The following S100A9 variants were observed in gnomAD, a reference collection of about 807,000 sequenced individuals.
The protein encoded by S100A9 is protein S100-A9.
In S100A9, 2 loss-of-function variants were observed where a neutral mutation model predicts 4.3. The ratio of observed to expected loss-of-function variants is 0.47; its 90% CI spans 0.19 to 1.48. S100A9 has a LOEUF of 1.48. Ranked by LOEUF, S100A9 falls within the 40% of genes most tolerant of loss-of-function variation. The pLI is 0.24. For synonymous variants in S100A9, 67 were observed against 54.0 expected (o/e 1.24, Z -1.06); for missense variants, 130 against 144.4 (o/e 0.90, Z 0.51).
chr1:153,360,096 C>T (rs912604146), intron 2 of S100A9, among the ~76,000 whole-genome samples: 1 of 152,214 alleles, frequency 6.6e-6, no homozygotes, highest in African/African-American at 2.4e-5. Flanking sequence ...GGTGTTTCCC[C>T]GTTGTATTGG....
chr1:153,358,516 A>G (rs564776543), intron 2 of S100A9, 83 bp downstream of exon 2: 1 of 1,140,812 alleles, frequency 8.8e-7, no homozygotes, highest in Admixed American at 2.9e-5. Context: ...GGCTACAGCA[A>G]TCAAGGGGAA....
chr1:153,358,551 C>G, intron 2 of S100A9, 118 bp downstream of exon 2: 2 of 794,474 alleles, frequency 2.5e-6, no homozygotes, highest in South Asian at 2.1e-5. Flanking sequence ...GAGCCCAGCC[C>G]CAAGACGCAG....
chr1:153,359,522 G>A (rs1415735296), intron 2 of S100A9, among the ~76,000 whole-genome samples: 1 of 151,974 alleles, frequency 6.6e-6, no homozygotes, highest in East Asian at 1.9e-4. Flanking sequence ...CTCATGGATG[G>A]GCTGCACAGG....
intron 1 of S100A9, 65 bp downstream of exon 1, chr1:153,357,946 C>T (rs1333292642): frequency 1.2e-5 from 2 of 171,052 alleles, no homozygotes; most frequent in African/African-American, 4.7e-5. Context: ...CCTTCCCTGA[C>T]CCAACTTCCT....
intron 1 of S100A9, 123 bp from the exon 2 acceptor site, chr1:153,358,146 C>T: frequency 1.7e-6 from 1 of 586,778 alleles, no homozygotes; most frequent in Non-Finnish European, 3.0e-6. Context: ...TAAGTTGCAG[C>T]CTGTGCTTTC....
intron 2 of S100A9, among the ~76,000 whole-genome samples, chr1:153,359,680 CTTTTTTTTTTTTTT>C (rs34039196): frequency 2.4e-5 from 2 of 83,908 alleles, no homozygotes; most frequent in East Asian, 7.0e-4. Flanking sequence ...GATGTCTCTC[CTTTTTTTTTTTTTT>C]TTTTTTTTTT....
chr1:153,360,964 T>C lies in S100A9; in HGVS notation c.*126T>C, dbSNP rs1661441732. The C allele has an allele frequency of 8.6e-6, 6 of 693,958 alleles. No homozygotes were observed. In the South Asian group the frequency reaches 1.2e-4, roughly 13 times the overall value. 43.0% of individuals were successfully genotyped at this position (693,958 alleles called of 1,614,324 possible). ...CCAACCAGGGCCCCGGGGCCTGTTA[T>C]GTCAAACTGTCTTGGCTGTGGGGCT... On this transcript the variant is annotated 3_prime_UTR_variant, in exon 3 of 3. Coordinates refer to ENST00000368738, the MANE Select transcript of S100A9 (RefSeq NM_002965.4).
In S100A9 at chr1:153,358,255, T is replaced by C. The variant is rs746297726; in HGVS notation, c.-15-14T>C. On this transcript the variant is annotated splice_polypyrimidine_tract_variant and intron_variant, in intron 1 of 2. Transcript: ENST00000368738. Reference sequence around the variant, plus strand: ...TCTTCTAAGTGTCCCAACTCTTGGTTTTCCATTACACAGACAGAGTGCAAG... The same window carrying C: ...TCTTCTAAGTGTCCCAACTCTTGGTCTTCCATTACACAGACAGAGTGCAAG... The C allele has an allele frequency of 1.3e-6, 2 of 1,507,614 alleles. No homozygotes were observed. Among genetic ancestry groups the C allele is most frequent in the East Asian group, 2.3e-5 (1 of 42,680 alleles). The allele number at this position is 1,507,614 out of a possible 1,614,324, so 93.4% of individuals were successfully genotyped here.
At chr1:153,358,798 G>A (rs747411606) in intron 2 of S100A9, among the ~76,000 whole-genome samples, 7 of 152,160 alleles carry the variant, frequency 4.6e-5, no homozygotes, top group South Asian at 2.1e-4. Context: ...GATAGAGTGC[G>A]CTGTGGGCAA....
Position 153,358,277 on chromosome 1 carries a change from C to A in S100A9, c.-7C>A. 1.3e-6 allele frequency: 2 copies of A among 1,587,766 alleles called. No individual in the cohort carries two copies. The highest frequency in any genetic ancestry group is 1.7e-6 in the Non-Finnish European group (2 of 1,162,510). On this transcript the variant is annotated 5_prime_UTR_variant, in exon 2 of 3. Coordinates refer to ENST00000368738, the MANE Select transcript of S100A9 (RefSeq NM_002965.4). Reference sequence around the variant, plus strand: ...GGTTTTCCATTACACAGACAGAGTGCAAGACGATGACTTGCAAAATGTCGC... The same window carrying A: ...GGTTTTCCATTACACAGACAGAGTGAAAGACGATGACTTGCAAAATGTCGC...
intron 2 of S100A9, among the ~76,000 whole-genome samples, chr1:153,359,468 C>T (rs908911055): frequency 5.3e-5 from 8 of 152,032 alleles, no homozygotes; most frequent in African/African-American, 1.7e-4. Flanking sequence ...CACCTGACAT[C>T]CCCCACCAGA....
intron 2 of S100A9, among the ~76,000 whole-genome samples, chr1:153,360,257 T>C (rs945321191): frequency 1.3e-5 from 2 of 152,184 alleles, no homozygotes; most frequent in Non-Finnish European, 2.9e-5. Context: ...TGAAAACTAA[T>C]GACCCTCTCT....
rs113730459 is a variant in S100A9 at position 153,359,718 on chromosome 1, C to T, written c.151-926C>T. 5.7e-3 allele frequency among the ~76,000 whole-genome samples: 666 copies of T among 117,268 alleles called. 5 individuals are homozygous for T. Among genetic ancestry groups the T allele is most frequent in the African/African-American group, 0.02 (623 of 31,122 alleles). The allele number at this position is 117,268 out of a possible 152,430, so 76.9% of individuals were successfully genotyped here. On this transcript the variant is annotated intron_variant, in intron 2 of 2. Coordinates refer to ENST00000368738, the MANE Select transcript of S100A9 (RefSeq NM_002965.4). ...TTTTTTTTTTTTTGAGACAGAGTTT[C>T]GCTCTTATTGCCCAGGCTGGAGTGC...
intron 2 of S100A9, 48 bp downstream of exon 2, chr1:153,358,481 G>T: frequency 6.8e-7 from 1 of 1,471,674 alleles, no homozygotes; most frequent in Non-Finnish European, 9.1e-7. Context: ...CGCAGTTTGG[G>T]TTGACAAGGG....
rs147137403 is a variant in S100A9, at chr1:153,360,744, C to T, written c.251C>T (p.Ala84Val). Residue 84 changes from alanine (A) to valine (V), a missense_variant, in exon 3 of 3, where the codon GCG (alanine) becomes GTG (valine). Ala to Val is a moderately conservative substitution (Grantham distance 64). Transcript: ENST00000368738. ...LSFEEFIMLM[A>V]RLTWASHEKM... is the part of the protein sequence containing the mutation. Reference sequence around the variant, plus strand: ...TTCGAGGAGTTCATCATGCTGATGGCGAGGCTAACCTGGGCCTCCCACGAG... The same window carrying T: ...TTCGAGGAGTTCATCATGCTGATGGTGAGGCTAACCTGGGCCTCCCACGAG... 7 of 1,614,008 alleles carry T rather than the reference C, an allele frequency of 4.3e-6. No homozygotes were observed. Among genetic ancestry groups the T allele is most frequent in the East Asian group, 2.2e-5 (1 of 44,872 alleles).
Position 153,360,868 on chromosome 1 carries a change from C to G in S100A9, c.*30C>G, listed in dbSNP as rs767979103. 1.1e-5 allele frequency: 17 copies of G among 1,493,758 alleles called. No individual in the cohort carries two copies. In the African/African-American group the frequency reaches 2.2e-4, roughly 20 times the overall value. 92.5% of individuals were successfully genotyped at this position (1,493,758 alleles called of 1,614,324 possible). A position where few individuals can be genotyped will look rare whatever the true frequency, so the allele number is the denominator to read the frequency against. ...ACAGTGGCCAAGATCACAGTGGCCA[C>G]GGCCACGGCCACAGTCATGGTGGCC... On this transcript the variant is annotated 3_prime_UTR_variant, in exon 3 of 3. Coordinates refer to ENST00000368738, the MANE Select transcript of S100A9 (RefSeq NM_002965.4).
chr1:153,358,601 C>T (rs1408404949), intron 2 of S100A9, among the ~76,000 whole-genome samples, 168 bp downstream of exon 2: 1 of 152,152 alleles, frequency 6.6e-6, no homozygotes, highest in East Asian at 1.9e-4. Flanking sequence ...CACAGTTACA[C>T]AGGACGACAG....
chr1:153,360,664 G>C lies in S100A9; in HGVS notation c.171G>C (p.Lys57Asn). 5.0e-6 allele frequency: 8 copies of C among 1,610,798 alleles called. No homozygotes were observed. Among genetic ancestry groups the C allele is most frequent in the Non-Finnish European group, 6.8e-6 (8 of 1,177,780 alleles). The change falls in exon 3 of 3, where the codon AAG becomes AAC. Residue 57 changes from lysine to asparagine, a missense_variant. Transcript: ENST00000368738. Reference sequence around the variant, plus strand: ...CGCAGAAGGAGAATAAGAATGAAAAGGTCATAGAACACATCATGGAGGACC... The same window carrying C: ...CGCAGAAGGAGAATAAGAATGAAAACGTCATAGAACACATCATGGAGGACC... Reference protein sequence around the residue: ...NFLKKENKNEKVIEHIMEDLD... With the variant: ...NFLKKENKNENVIEHIMEDLD...
rs3124217 is a variant in S100A9 at position 153,359,612 on chromosome 1, C to T, written c.151-1032C>T. On this transcript the variant is annotated intron_variant, in intron 2 of 2. Transcript: ENST00000368738. ...GTGACTCAGCCAGAGGGTGGCAGAG[C>T]TGGAACCAACCAGTGCTCTCTTGGA... Among the ~76,000 whole-genome samples, 1,460 of 151,240 alleles carry T rather than the reference C, an allele frequency of 9.7e-3. 17 individuals are homozygous for T. The highest frequency in any genetic ancestry group is 0.033 in the African/African-American group (1,361 of 41,168).
Sources: allele counts gnomAD v4.1 joint callset (sites outside exome capture counted in the v4.1 genomes callset), GRCh38; gene constraint gnomAD v4.1.1; transcripts MANE v1.5; gene names NCBI Gene and HGNC (gene_info 2026-07-23, HGNC 2026-07-21).